SCAF8: variants seen among roughly 807,000 people sequenced by gnomAD.
SCAF8 encodes the protein SR-related CTD associated factor 8.
SCAF8 carries 23 observed loss-of-function variants against 140.5 expected under a neutral mutation model. That is an observed-to-expected ratio of 0.16 (90% CI 0.12 to 0.23). SCAF8 has a LOEUF of 0.23. SCAF8 is among the 10% of genes least tolerant of loss of function. The pLI, the probability that SCAF8 is intolerant of heterozygous loss-of-function variation, is 1.00. For missense variants in SCAF8, 1,397 were observed against 1,555.7 expected (o/e 0.90, Z 1.72); for synonymous variants, 575 against 528.9 (o/e 1.09, Z -1.20).
intron 6 of SCAF8, among the ~76,000 whole-genome samples, chr6:154,796,550 C>T (rs1288980879): frequency 6.6e-6 from 1 of 152,130 alleles, no homozygotes; most frequent in Admixed American, 6.5e-5. Context: ...TATCACCCTA[C>T]TCTATTTTCA....
intron 15 of SCAF8, among the ~76,000 whole-genome samples, chr6:154,821,435 A>G (rs1333829397): frequency 1.3e-5 from 2 of 152,070 alleles, no homozygotes; most frequent in African/African-American, 2.4e-5. Context: ...TTACTAGCCT[A>G]TGTTTCACAC....
intron 3 of SCAF8, among the ~76,000 whole-genome samples, chr6:154,782,662 G>A (rs559977541): frequency 6.6e-6 from 1 of 152,160 alleles, no homozygotes; most frequent in Admixed American, 6.5e-5. Flanking sequence ...ACGATCACAA[G>A]GTCCCACAGC....
At chr6:154,793,477 A>T (rs1244992283) in intron 5 of SCAF8, among the ~76,000 whole-genome samples, 2 of 151,702 alleles carry the variant, frequency 1.3e-5, no homozygotes, top group Non-Finnish European at 2.9e-5. Context: ...ATTTTTTCAT[A>T]ATTTTTTAAA....
intron 1 of SCAF8, among the ~76,000 whole-genome samples, chr6:154,739,026 C>A (rs935381465): frequency 6.6e-6 from 1 of 152,134 alleles, no homozygotes; most frequent in African/African-American, 2.4e-5. Flanking sequence ...GTTTCTCTTG[C>A]CCAGGCTAGA....
At position 154,824,242 on chromosome 6, in the gene SCAF8, G is replaced by A; in HGVS notation, c.1935G>A (p.Val645=). The A allele has an allele frequency of 1.9e-6, 3 of 1,613,764 alleles. No individual in the cohort carries two copies. Among genetic ancestry groups the A allele is most frequent in the Non-Finnish European group, 2.5e-6 (3 of 1,179,808 alleles). ...TTGTCTATCCACAAAAGATTCCAGT[G>A]GCGCCAGCCGTGCCTACAGTTAGTT... ...PPPVAMLQIP[V]APAVPTVSLV... Residue 645 remains valine (V), a synonymous_variant, in exon 17 of 20, where the codon GTG becomes GTA. Coordinates refer to ENST00000367178, the MANE Select transcript of SCAF8 (RefSeq NM_014892.5).
At chr6:154,794,049 G>C (rs1317027630) in intron 5 of SCAF8, among the ~76,000 whole-genome samples, 2 of 151,890 alleles carry the variant, frequency 1.3e-5, no homozygotes, top group East Asian at 3.9e-4. Flanking sequence ...AGCCTCCTAA[G>C]TAGGTGGGAC....
chr6:154,824,141 A>C, intron 16 of SCAF8, 93 bp from the exon 17 acceptor site: 1 of 1,306,578 alleles, frequency 7.7e-7, no homozygotes, highest in Non-Finnish European at 1.1e-6. Context: ...ATTTGTTACC[A>C]TCCTGAAAGA....
chr6:154,812,471 G>A (rs1289106584), intron 12 of SCAF8, among the ~76,000 whole-genome samples: 1 of 151,982 alleles, frequency 6.6e-6, no homozygotes, highest in African/African-American at 2.4e-5. Context: ...CTGCTTTATT[G>A]TGGTGGTCTG....
At position 154,746,231 on chromosome 6, in the gene SCAF8, C is replaced by T. The variant is rs947178336; in HGVS notation, c.30+12301C>T. Among the ~76,000 whole-genome samples the T allele has an allele frequency of 3.3e-5, 5 of 152,156 alleles. No individual in the cohort carries two copies. In the East Asian group the frequency reaches 7.7e-4, roughly 23 times the overall value. ...TAATTCACTGAGTTATCTTTATACT[C>T]TGATTGTCTCAGTTTTGACTAGGCA... On this transcript the variant is annotated intron_variant, in intron 1 of 19. Coordinates refer to ENST00000367178, the MANE Select transcript of SCAF8 (RefSeq NM_014892.5).
At chr6:154,744,884 A>G (rs1279502149) in intron 1 of SCAF8, among the ~76,000 whole-genome samples, 2 of 152,240 alleles carry the variant, frequency 1.3e-5, no homozygotes, top group Non-Finnish European at 2.9e-5. Context: ...AAATGAACAC[A>G]TAATTTCTTT....
chr6:154,736,626 A>G (rs1483267111), intron 1 of SCAF8, among the ~76,000 whole-genome samples: 1 of 152,196 alleles, frequency 6.6e-6, no homozygotes, highest in African/African-American at 2.4e-5. Flanking sequence ...ACAAGTGGTT[A>G]GTGCACTATG....
intron 14 of SCAF8, 105 bp downstream of exon 14, chr6:154,818,697 T>C (rs1007911738): frequency 2.5e-5 from 13 of 512,176 alleles, no homozygotes; most frequent in Middle Eastern, 5.7e-4. Flanking sequence ...TCTTCTTTTA[T>C]TGGATTATTA....
At chr6:154,756,806 C>T (rs1167043528) in intron 1 of SCAF8, among the ~76,000 whole-genome samples, 2 of 152,104 alleles carry the variant, frequency 1.3e-5, no homozygotes, top group African/African-American at 4.8e-5. Context: ...GAGGGCGGAT[C>T]GCTTGAGCCT....
intron 14 of SCAF8, 30 bp downstream of exon 14, chr6:154,818,622 AG>A (rs970997956): frequency 2.7e-6 from 3 of 1,122,656 alleles, no homozygotes; most frequent in East Asian, 2.4e-5. Context: ...AACTTGGGGT[AG>A]GGGGGCAGTA....
intron 1 of SCAF8, chr6:154,741,978 G>T: frequency 6.5e-7 from 1 of 1,533,808 alleles, no homozygotes; most frequent in Non-Finnish European, 8.7e-7. Flanking sequence ...ACTCCTGCTT[G>T]TACAGACTGC....
chr6:154,818,963 C>T (rs1429963498), intron 14 of SCAF8, among the ~76,000 whole-genome samples: 1 of 152,042 alleles, frequency 6.6e-6, no homozygotes, highest in African/African-American at 2.4e-5. Flanking sequence ...CTTAACTATA[C>T]CTTCTAATTA....
chr6:154,801,786 A>G (rs1777778316), intron 6 of SCAF8, among the ~76,000 whole-genome samples, 185 bp from the exon 7 acceptor site: 2 of 151,412 alleles, frequency 1.3e-5, no homozygotes, highest in South Asian at 2.1e-4. Flanking sequence ...AAGTAAGACA[A>G]ACTTATTAAG....
Position 154,795,126 on chromosome 6 carries a change from C to A in SCAF8, c.593C>A (p.Pro198His). 1 of 1,601,760 alleles carries A rather than the reference C, an allele frequency of 6.2e-7. No individual in the cohort carries two copies. The highest frequency in any genetic ancestry group is 8.5e-7 in the Non-Finnish European group (1 of 1,177,152). ...GCTGTAGCTCAGATCTTGCAAAGTC[C>A]TCAAGGCCAGCAGGTGAGCGGTTTT... ...LAAVAQILQS[P>H]QGQQLQQLIQ... Residue 198 changes from proline to histidine, a missense_variant, in exon 6 of 20, where the codon CCT becomes CAT. Physicochemically the swap from Pro to His is moderately conservative, Grantham distance 77. Coordinates refer to ENST00000367178, the MANE Select transcript of SCAF8 (RefSeq NM_014892.5).
At chr6:154,784,531 C>T (rs1445626648) in intron 3 of SCAF8, among the ~76,000 whole-genome samples, 1 of 152,026 alleles carries the variant, frequency 6.6e-6, no homozygotes, top group Non-Finnish European at 1.5e-5. Context: ...ATGGGTTCAG[C>T]CTATTGGGAT....
Sources: allele counts gnomAD v4.1 joint callset (sites outside exome capture counted in the v4.1 genomes callset), GRCh38; gene constraint gnomAD v4.1.1; transcripts MANE v1.5; gene names NCBI Gene and HGNC (gene_info 2026-07-23, HGNC 2026-07-21).